EIF1AX: variants seen among roughly 807,000 people sequenced by gnomAD.
EIF1AX encodes the protein eukaryotic translation initiation factor 1A, X-chromosomal.
EIF1AX carries 1 observed loss-of-function variant against 16.1 expected under a neutral mutation model. That is an observed-to-expected ratio of 0.06 (90% CI 0.02 to 0.30). EIF1AX has a LOEUF of 0.30. Among genes scored for constraint, EIF1AX ranks in the 10% least tolerant of loss-of-function variants. EIF1AX has a pLI of 1.00. For synonymous variants in EIF1AX, 32 were observed against 37.3 expected (o/e 0.86, Z 0.51); for missense variants, 11 against 109.1 (o/e 0.10, Z 4.00).
chrX:20,129,129 C>G (rs764530105), intron 6 of EIF1AX, among the ~76,000 whole-genome samples: 1 of 111,520 alleles, frequency 9.0e-6, no homozygotes, highest in African/African-American at 3.3e-5. Context: ...AAGAAAATAA[C>G]AGAACAACAT....
At chrX:20,134,790 T>C (rs896599933) in intron 3 of EIF1AX, among the ~76,000 whole-genome samples, 1 of 110,883 alleles carries the variant, frequency 9.0e-6, no homozygotes, top group African/African-American at 3.3e-5. Flanking sequence ...AATAGAAGGA[T>C]TAACATACCA....
chrX:20,133,812 C>A, intron 4 of EIF1AX, 145 bp downstream of exon 4: 2 of 477,833 alleles, frequency 4.2e-6, no homozygotes, highest in Non-Finnish European at 7.0e-6. Context: ...TCAGCTGTAT[C>A]CCCTAGAATA....
intron 5 of EIF1AX, among the ~76,000 whole-genome samples, chrX:20,131,222 G>A (rs1251512314): frequency 2.7e-5 from 3 of 111,996 alleles, no homozygotes; most frequent in African/African-American, 9.7e-5. Context: ...GGTTTTCTGC[G>A]TTAAGAATTC....
At chrX:20,132,087 A>G (rs781035608) in intron 5 of EIF1AX, 95 bp downstream of exon 5, 65 of 636,594 alleles carry the variant, frequency 1.0e-4, no homozygotes, top group Non-Finnish European at 1.4e-4. Context: ...TGTGAGCACT[A>G]AAGTAAATAA....
chrX:20,126,839 G>A lies in EIF1AX; in HGVS notation c.*1467C>T, dbSNP rs1233304757. On this transcript the variant is annotated 3_prime_UTR_variant, in exon 7 of 7. Coordinates refer to ENST00000379607, the MANE Select transcript of EIF1AX (RefSeq NM_001412.4). ...CAACTTAATGTTCTATAGTACTTCA[G>A]ATTTTTAAATCCAGAGTTTGGTGTA... 2 of 142,138 alleles carry A rather than the reference G, an allele frequency of 1.4e-5. No individual in the cohort carries two copies. Among genetic ancestry groups the A allele is most frequent in the African/African-American group, 3.1e-5 (1 of 32,427 alleles). The allele number at this position is 142,138 out of a possible 1,213,427, so 11.7% of individuals were successfully genotyped here.
intron 2 of EIF1AX, among the ~76,000 whole-genome samples, chrX:20,138,295 G>A (rs752514975): frequency 1.5e-4 from 16 of 109,471 alleles, no homozygotes; most frequent in Middle Eastern, 4.6e-3. Flanking sequence ...GAGCCACTGC[G>A]CCCAGCCTAA....
chrX:20,134,121 TC>T, intron 3 of EIF1AX, 114 bp from the exon 4 acceptor site: 1 of 811,413 alleles, frequency 1.2e-6, no homozygotes, highest in Non-Finnish European at 1.8e-6. Flanking sequence ...GAGCGGTGGC[TC>T]ATGCCTGTAA....
intron 2 of EIF1AX, chrX:20,136,288 T>C (rs2067016717): frequency 5.4e-6 from 2 of 366,999 alleles, no homozygotes; most frequent in East Asian, 7.5e-5. Context: ...TTGTTTTACA[T>C]TGTTTTATAG....
At chrX:20,140,038 G>A (rs1214017270) in intron 1 of EIF1AX, 4 of 112,478 alleles carry the variant, frequency 3.6e-5, no homozygotes, top group Non-Finnish European at 7.5e-5. Flanking sequence ...TCTGTTGAAT[G>A]AATGAGACTA....
In EIF1AX at chrX:20,141,495, C is replaced by T. The variant is rs999352731; in HGVS notation, c.16+130G>A. 6.2e-6 allele frequency: 5 copies of T among 800,752 alleles called. No individual in the cohort carries two copies. The African/African-American group carries it at 6.5e-5, about 10-fold the overall frequency. 66.0% of individuals were successfully genotyped at this position (800,752 alleles called of 1,213,427 possible). On this transcript the variant is annotated intron_variant, in intron 1 of 6. Coordinates refer to ENST00000379607, the MANE Select transcript of EIF1AX (RefSeq NM_001412.4). Reference sequence around the variant, plus strand: ...CCCGAGCTCAGAGTCGCGTGTGGGGCGCCCAGCCGCGGGCAGGCAGGGCGG... The same window carrying T: ...CCCGAGCTCAGAGTCGCGTGTGGGGTGCCCAGCCGCGGGCAGGCAGGGCGG...
chrX:20,130,767 T>C (rs1434639518), intron 5 of EIF1AX, among the ~76,000 whole-genome samples, 160 bp from the exon 6 acceptor site: 1 of 112,522 alleles, frequency 8.9e-6, no homozygotes, highest in Admixed American at 9.4e-5. Context: ...AGTATCTGTG[T>C]TACCATTTTC....
intron 2 of EIF1AX, among the ~76,000 whole-genome samples, chrX:20,137,994 GTTTTTTTTTTTTTT>G (rs72040979): frequency 8.2e-5 from 3 of 36,762 alleles, no homozygotes; most frequent in East Asian, 1.1e-3. Flanking sequence ...TCTCTATACA[GTTTTTTTTTTTTTT>G]TTTTTTTTTT....
chrX:20,140,277 A>G (rs2067030025), intron 1 of EIF1AX: 1 of 112,051 alleles, frequency 8.9e-6, no homozygotes, highest in Non-Finnish European at 1.9e-5. Flanking sequence ...AGCATCTACT[A>G]ATTGTCAAGT....
At chrX:20,134,298 GA>G (rs1318839497) in intron 3 of EIF1AX, among the ~76,000 whole-genome samples, 4 of 111,663 alleles carry the variant, frequency 3.6e-5, no homozygotes. Flanking sequence ...TGAGGCTGGA[GA>G]ATCACTTGAA....
chrX:20,137,994 G>GTTTTT (rs72040979), intron 2 of EIF1AX, among the ~76,000 whole-genome samples: 1 of 36,745 alleles, frequency 2.7e-5, no homozygotes, highest in East Asian at 1.1e-3. Context: ...TCTCTATACA[G>GTTTTT]TTTTTTTTTT....
chrX:20,130,690 G>A (rs1490772701), intron 5 of EIF1AX, 83 bp from the exon 6 acceptor site: 12 of 883,342 alleles, frequency 1.4e-5, no homozygotes, highest in Non-Finnish European at 1.8e-5. Context: ...TTTTATATAA[G>A]ACAATAACTA....
chrX:20,132,610 G>A (rs967560333), intron 4 of EIF1AX, among the ~76,000 whole-genome samples: 2 of 111,926 alleles, frequency 1.8e-5, no homozygotes, highest in Non-Finnish European at 3.8e-5. Flanking sequence ...TTTGCAGGGT[G>A]ATCAAACACT....
chrX:20,141,644 G>A lies in EIF1AX; in HGVS notation c.-4C>T, dbSNP rs201653081. On this transcript the variant is annotated 5_prime_UTR_variant, in exon 1 of 7. Transcript: ENST00000379607. The stretch of plus-strand genomic sequence containing the variant: ...CATTACCTTTATTCTTGGGCATGGC[G>A]GTGGCGGCGACCTCGCGGCGTCTCT... 4,934 of 1,153,083 alleles carry A rather than the reference G, an allele frequency of 4.3e-3. 10 individuals are homozygous for A. The highest frequency in any genetic ancestry group is 5.6e-3 in the Middle Eastern group (18 of 3,194).
chrX:20,132,049 C>A, intron 5 of EIF1AX, 133 bp downstream of exon 5: 1 of 385,117 alleles, frequency 2.6e-6, no homozygotes, highest in Non-Finnish European at 4.6e-6. Flanking sequence ...TATTATGAAG[C>A]ATAGGCAGGC....
Sources: allele counts gnomAD v4.1 joint callset (sites outside exome capture counted in the v4.1 genomes callset), GRCh38; gene constraint gnomAD v4.1.1; transcripts MANE v1.5; gene names NCBI Gene and HGNC (gene_info 2026-07-23, HGNC 2026-07-21).